Variants in FAM171A1 observed in about 807,000 individuals in gnomAD.
FAM171A1 encodes the protein protein FAM171A1.
In FAM171A1, 23 loss-of-function variants were observed where a neutral mutation model predicts 74.9. That is an observed-to-expected ratio of 0.31 (90% CI 0.22 to 0.44). FAM171A1 has a LOEUF of 0.44. Among genes scored for constraint, FAM171A1 ranks in the 20% least tolerant of loss-of-function variants. The probability of loss-of-function intolerance (pLI) is 1.00; values close to 1 mark genes in which losing one functional copy is unlikely to be tolerated. For missense variants in FAM171A1, 1,162 were observed against 1,159.2 expected (o/e 1.00, Z -0.03); for synonymous variants, 527 against 505.7 (o/e 1.04, Z -0.57).
At chr10:15,291,898 G>A (rs372809896) in intron 1 of FAM171A1, among the ~76,000 whole-genome samples, 1 of 152,136 alleles carries the variant, frequency 6.6e-6, no homozygotes, top group Non-Finnish European at 1.5e-5. Context: ...CCTTGATGAG[G>A]CTATCCTATC....
intron 1 of FAM171A1, among the ~76,000 whole-genome samples, chr10:15,319,159 C>T (rs1384079103): frequency 1.3e-5 from 2 of 152,214 alleles, no homozygotes; most frequent in African/African-American, 4.8e-5. Flanking sequence ...ATGTCCATTT[C>T]TACAGCATGC....
At chr10:15,332,818 ATCTGTC>A (rs1386544902) in intron 1 of FAM171A1, among the ~76,000 whole-genome samples, 1 of 152,134 alleles carries the variant, frequency 6.6e-6, no homozygotes, top group Non-Finnish European at 1.5e-5. Flanking sequence ...ATTTCAGTGA[ATCTGTC>A]TGAGAATGGC....
chr10:15,213,688 G>A lies in FAM171A1; in HGVS notation c.1900C>T (p.Gln634Ter), dbSNP rs1833925365. The change falls in exon 8 of 8, where the codon CAG (glutamine) becomes TAG (stop). Residue 634 changes from glutamine to a stop codon, truncating the protein, a stop_gained. Coordinates refer to ENST00000378116, the MANE Select transcript of FAM171A1 (RefSeq NM_001010924.2). LOFTEE classifies it high-confidence loss of function. This position sits in a 1 kb window ranked among gnomAD's most constrained non-coding sequence, Gnocchi z 6.8. ...GCCTGGGAAGACAGGGGCTGGGGCT[G>A]GATCTGTGAGGACGGGTGTGGGAAG... The part of the protein sequence containing the change: ...GIFPHPSSQI[Q>*]PQPLSSQAIS... The A allele has an allele frequency of 1.9e-6, 3 of 1,612,778 alleles. No homozygotes were observed. The highest frequency in any genetic ancestry group is 2.5e-6 in the Non-Finnish European group (3 of 1,179,234).
intron 6 of FAM171A1, among the ~76,000 whole-genome samples, chr10:15,219,559 T>G (rs1441580746): frequency 6.6e-6 from 1 of 152,148 alleles, no homozygotes; most frequent in Admixed American, 6.5e-5. Context: ...ACAAAAACAA[T>G]AGCATCAAGG....
chr10:15,341,036 AG>A (rs1302478163), intron 1 of FAM171A1, among the ~76,000 whole-genome samples: 1 of 152,204 alleles, frequency 6.6e-6, no homozygotes, highest in Non-Finnish European at 1.5e-5. Context: ...GTACGTCTCA[AG>A]CTTTTTAAGT....
chr10:15,306,478 A>G (rs959850496), intron 1 of FAM171A1, among the ~76,000 whole-genome samples: 13 of 151,476 alleles, frequency 8.6e-5, no homozygotes, highest in Non-Finnish European at 1.3e-4. Context: ...GATTCTCCTG[A>G]CTCAGTCTCT....
chr10:15,256,065 G>C (rs546609843), intron 3 of FAM171A1, among the ~76,000 whole-genome samples: 1 of 152,308 alleles, frequency 6.6e-6, no homozygotes, highest in African/African-American at 2.4e-5. Context: ...ATTGTTAAGA[G>C]AAAAACTGTA....
chr10:15,302,264 G>C (rs1835238879), intron 1 of FAM171A1, among the ~76,000 whole-genome samples: 1 of 152,086 alleles, frequency 6.6e-6, no homozygotes, highest in African/African-American at 2.4e-5. Context: ...AGGGGTTTGA[G>C]ACCAGCCTGG....
At chr10:15,240,616 C>G (rs1834351577) in intron 5 of FAM171A1, among the ~76,000 whole-genome samples, 1 of 152,192 alleles carries the variant, frequency 6.6e-6, no homozygotes, top group Non-Finnish European at 1.5e-5. Flanking sequence ...ATTGATCCCA[C>G]TCTCACGGGG....
intron 5 of FAM171A1, among the ~76,000 whole-genome samples, chr10:15,228,042 C>G (rs1834131565): frequency 6.6e-6 from 1 of 152,014 alleles, no homozygotes; most frequent in African/African-American, 2.4e-5. Context: ...AAATGGCCAT[C>G]AAAAGAGAAA....
At chr10:15,331,240 G>A (rs1276738381) in intron 1 of FAM171A1, among the ~76,000 whole-genome samples, 2 of 152,140 alleles carry the variant, frequency 1.3e-5, no homozygotes, top group Non-Finnish European at 2.9e-5. Context: ...CTGAAACCTA[G>A]CAACATCCCT....
chr10:15,372,698 C>CAAAAAAAAA (rs59712649), upstream of FAM171A1, among the ~76,000 whole-genome samples: 1 of 88,692 alleles, frequency 1.1e-5, no homozygotes, highest in African/African-American at 4.4e-5. Context: ...GACCCCGTCT[C>CAAAAAAAAA]AAAAAAAAAA....
In FAM171A1 at chr10:15,211,800, G is replaced by C. The variant is rs547050053; in HGVS notation, c.*1115C>G. ...TTTTTTTAATAGTCACATTCAGCTC[G>C]CTTGCTCAAACCAGACTCCCACATT... On this transcript the variant is annotated 3_prime_UTR_variant, in exon 8 of 8. Transcript: ENST00000378116. 2 of 151,242 alleles carry C rather than the reference G, an allele frequency of 1.3e-5. No individual in the cohort carries two copies. The highest frequency in any genetic ancestry group is 2.1e-4 in the South Asian group (1 of 4,768). The allele number at this position is 151,242 out of a possible 1,614,324, so 9.4% of individuals were successfully genotyped here. A position where few individuals can be genotyped will look rare whatever the true frequency, so the allele number is the denominator to read the frequency against.
At chr10:15,330,325 C>G (rs1564281043) in intron 1 of FAM171A1, among the ~76,000 whole-genome samples, 1 of 152,080 alleles carries the variant, frequency 6.6e-6, no homozygotes, top group Non-Finnish European at 1.5e-5. Context: ...GGCAACAGAC[C>G]AAGACTTTTT....
intron 1 of FAM171A1, among the ~76,000 whole-genome samples, chr10:15,298,427 C>A (rs2131824578): frequency 6.6e-6 from 1 of 152,318 alleles, no homozygotes; most frequent in African/African-American, 2.4e-5. Context: ...AGCCACCACA[C>A]CCGGCCATGA....
At chr10:15,233,384 A>G (rs1834233990) in intron 5 of FAM171A1, among the ~76,000 whole-genome samples, 1 of 152,186 alleles carries the variant, frequency 6.6e-6, no homozygotes, top group Admixed American at 6.5e-5. Flanking sequence ...TCAGTTTAGG[A>G]AAACTTCAAA....
rs1312484826 is a variant in FAM171A1 at position 15,314,436 on chromosome 10, CT to C, written c.98-30332del. Among the ~76,000 whole-genome samples, 4 of 152,206 alleles carry C rather than the reference CT, an allele frequency of 2.6e-5. No individual in the cohort carries two copies. The East Asian group carries it at 5.8e-4, about 22-fold the overall frequency. ...TTTGAGGCTGGCCATACGGGGAAGA[CT>C]GTCATTTGCCTAGGGTGTGAATCAA... On this transcript the variant is annotated intron_variant, in intron 1 of 7. Coordinates refer to ENST00000378116, the MANE Select transcript of FAM171A1 (RefSeq NM_001010924.2).
At chr10:15,312,398 T>C (rs145188394) in intron 1 of FAM171A1, among the ~76,000 whole-genome samples, 2 of 152,088 alleles carry the variant, frequency 1.3e-5, no homozygotes, top group Admixed American at 1.3e-4. Context: ...TTTTAAAGCC[T>C]CTGAACCCTT....
chr10:15,308,129 G>T (rs1238589552), intron 1 of FAM171A1, among the ~76,000 whole-genome samples: 1 of 152,146 alleles, frequency 6.6e-6, no homozygotes, highest in Non-Finnish European at 1.5e-5. Context: ...TCATTAGGAA[G>T]TGTTAAACAA....
Sources: gnomAD v4.1 joint callset for allele counts (sites outside exome capture counted in the v4.1 genomes callset) on GRCh38, gnomAD v4.1.1 for gene constraint, Gnocchi (gnomAD v3.1) non-coding constraint, MANE v1.5 for transcripts, NCBI Gene and HGNC (gene_info 2026-07-23, HGNC 2026-07-21) for gene names.